CCDC59: variants seen among roughly 807,000 people sequenced by gnomAD.
CCDC59 encodes thyroid transcription factor 1-associated protein 26.
CCDC59 carries 27 observed loss-of-function variants against 30.5 expected under a neutral mutation model. The ratio of observed to expected loss-of-function variants is 0.89; its 90% CI spans 0.65 to 1.22. The LOEUF (loss-of-function observed/expected upper bound fraction) is 1.22. Ranked by LOEUF, CCDC59 falls within the 50% of genes most tolerant of loss-of-function variation. The pLI is 0.00. For synonymous variants in CCDC59, 125 were observed against 100.9 expected, an observed-to-expected ratio of 1.24 and a Z score of -1.43; for missense variants, 362 against 284.4, an observed-to-expected ratio of 1.27 and a Z score of -1.96.
Position 82,357,015 on chromosome 12 carries a change from C to A in CCDC59, c.409G>T (p.Asp137Tyr). Residue 137 changes from aspartate (D) to tyrosine (Y), a missense_variant, in exon 2 of 4, where the codon GAT (aspartate) becomes TAT (tyrosine). Coordinates refer to ENST00000256151, the MANE Select transcript of CCDC59 (RefSeq NM_014167.5). ...QCSIDEPLFE[D>Y]QCSFDQPQPE... The stretch of plus-strand genomic sequence containing the variant: ...TGAGGCTGGTCAAAGCTACACTGAT[C>A]TTCAAATAAAGGCTCGTCAATGCTA... 1.9e-6 allele frequency: 3 copies of A among 1,614,178 alleles called. No homozygotes were observed. Among genetic ancestry groups the A allele is most frequent in the Non-Finnish European group, 2.5e-6 (3 of 1,180,016 alleles).
At position 82,352,544 on chromosome 12, in the gene CCDC59, G is replaced by A. The variant is rs1880859722; in HGVS notation, c.*607C>T. 6.6e-6 allele frequency: 1 copy of A among 152,188 alleles called. No homozygotes were observed. The highest frequency in any genetic ancestry group is 1.5e-5 in the Non-Finnish European group (1 of 68,034). 9.4% of individuals were successfully genotyped at this position (152,188 alleles called of 1,614,324 possible). On this transcript the variant is annotated 3_prime_UTR_variant, in exon 4 of 4. Transcript: ENST00000256151. ...AACTGGAAAGCTTAATTCTTGCTGT[G>A]ACACTGTGGGGTTTCCATCATTATT...
intron 3 of CCDC59, 58 bp downstream of exon 3, chr12:82,354,437 A>G (rs1458511668): frequency 1.5e-6 from 2 of 1,307,608 alleles, no homozygotes; most frequent in Admixed American, 4.7e-5. Context: ...CAGGTATAGT[A>G]TATATATTTA....
chr12:82,352,924 G>A lies in CCDC59; in HGVS notation c.*227C>T. On this transcript the variant is annotated 3_prime_UTR_variant, in exon 4 of 4. Transcript: ENST00000256151. ...CTTGGGCCTGTCTTGCAAAATAAGA[G>A]GTTCTTTCAGTTCTTCAGGCCAACC... 1 of 369,952 alleles carries A rather than the reference G, an allele frequency of 2.7e-6. No individual in the cohort carries two copies. The highest frequency in any genetic ancestry group is 4.8e-6 in the Non-Finnish European group (1 of 207,500). The allele number at this position is 369,952 out of a possible 1,614,324, so 22.9% of individuals were successfully genotyped here.
In CCDC59 at chr12:82,353,308, A is replaced by T; in HGVS notation, c.569T>A (p.Phe190Tyr). The change falls in exon 4 of 4, where the codon TTC (phenylalanine) becomes TAC (tyrosine). Residue 190 changes from phenylalanine to tyrosine, a missense_variant. Phe to Tyr is a conservative substitution (Grantham distance 22). Coordinates refer to ENST00000256151, the MANE Select transcript of CCDC59 (RefSeq NM_014167.5). The stretch of plus-strand genomic sequence containing the variant: ...TTCTCTCTCCTGTTTTCTCCTCTCG[A>T]ATTCCTAAAATTATTAACATATGTA... ...QAKRAAKKQEFERRKQEREEA... is the reference protein window; with the variant it reads ...QAKRAAKKQEYERRKQEREEA... 1 of 1,593,190 alleles carries T rather than the reference A, an allele frequency of 6.3e-7. No individual in the cohort carries two copies.
At position 82,352,482 on chromosome 12, in the gene CCDC59, G is replaced by A. The variant is rs1880856761; in HGVS notation, c.*669C>T. The stretch of plus-strand genomic sequence containing the variant: ...AGCTCACAAGGGTACCAACAAGGGA[G>A]ACAGAGATAATGTTCTTAAAGTATA... On this transcript the variant is annotated 3_prime_UTR_variant, in exon 4 of 4. Transcript: ENST00000256151. 1 of 152,238 alleles carries A rather than the reference G, an allele frequency of 6.6e-6. No individual in the cohort carries two copies. The highest frequency in any genetic ancestry group is 1.9e-4 in the East Asian group (1 of 5,196). The allele number at this position is 152,238 out of a possible 1,614,324, so 9.4% of individuals were successfully genotyped here. A position where few individuals can be genotyped will look rare whatever the true frequency, so the allele number is the denominator to read the frequency against.
rs1565786051 is a variant in CCDC59, at chr12:82,357,227, C to A, written c.197G>T (p.Ser66Ile). The A allele has an allele frequency of 1.9e-6, 3 of 1,614,006 alleles. No individual in the cohort carries two copies. Among genetic ancestry groups the A allele is most frequent in the Non-Finnish European group, 2.5e-6 (3 of 1,179,952 alleles). The change falls in exon 2 of 4, where the codon AGT becomes ATT. Residue 66 changes from serine to isoleucine, a missense_variant. By Grantham distance (142) the Ser-to-Ile change is moderately radical. Coordinates refer to ENST00000256151, the MANE Select transcript of CCDC59 (RefSeq NM_014167.5). Reference sequence around the variant, plus strand: ...TTCCTTCCGTAGCAATTTCTTGTAACTTTGCTGTATTTTCAGTTTTCTTCG... The same window carrying A: ...TTCCTTCCGTAGCAATTTCTTGTAAATTTGCTGTATTTTCAGTTTTCTTCG... ...AFRRKLKIQQ[S>I]YKKLLRKEKK...
intron 3 of CCDC59, among the ~76,000 whole-genome samples, 184 bp downstream of exon 3, chr12:82,354,306 TTGACA>T (rs1880932255): frequency 6.6e-6 from 1 of 152,070 alleles, no homozygotes. Context: ...CTAGTATTGC[TTGACA>T]TAATACAAGC....
chr12:82,357,283 TATC>T lies in CCDC59; in HGVS notation c.155-17_155-15del, dbSNP rs3077481. The T allele has an allele frequency of 0.88, 1,380,480 of 1,577,276 alleles. 605,798 individuals are homozygous for T. Among genetic ancestry groups the T allele is most frequent in the East Asian group, 1 (44,344 of 44,372 alleles). On this transcript the variant is annotated splice_polypyrimidine_tract_variant and intron_variant, in intron 1 of 3. Transcript: ENST00000256151. ...CAAAGCCTTGTCCTACATTGAGGAATATCATCCAAAATTACTTTCAGAGAAAAG... is the reference window on the plus strand; with the variant it reads ...CAAAGCCTTGTCCTACATTGAGGAATATCCAAAATTACTTTCAGAGAAAAG...
intron 3 of CCDC59, among the ~76,000 whole-genome samples, chr12:82,353,589 T>C (rs760344199): frequency 2.6e-5 from 4 of 152,154 alleles, no homozygotes; most frequent in Non-Finnish European, 4.4e-5. Flanking sequence ...ATAATGGTCA[T>C]TACTGCACTT....
In CCDC59 at chr12:82,357,228, T is replaced by C. The variant is rs1881088715; in HGVS notation, c.196A>G (p.Ser66Gly). ...TCCTTCCGTAGCAATTTCTTGTAAC[T>C]TTGCTGTATTTTCAGTTTTCTTCGA... The part of the protein sequence containing the change: ...AFRRKLKIQQ[S>G]YKKLLRKEKK... The change falls in exon 2 of 4, where the codon AGT (serine) becomes GGT (glycine). Residue 66 changes from serine to glycine, a missense_variant. Ser to Gly is a moderately conservative substitution (Grantham distance 56). Transcript: ENST00000256151. The C allele has an allele frequency of 6.2e-7, 1 of 1,613,946 alleles. No individual in the cohort carries two copies. Among genetic ancestry groups the C allele is most frequent in the East Asian group, 2.2e-5 (1 of 44,880 alleles).
At chr12:82,356,832 C>A in intron 2 of CCDC59, 128 bp downstream of exon 2, 1 of 707,474 alleles carries the variant, frequency 1.4e-6, no homozygotes, top group South Asian at 2.7e-5. Context: ...GAAAATGTTT[C>A]CCTAATTAAA....
At chr12:82,358,768 A>G (rs1304159952), upstream of CCDC59, 34 of 1,613,676 alleles carry the variant, frequency 2.1e-5, no homozygotes, top group Non-Finnish European at 2.7e-5. Context: ...TCAGCGTCGG[A>G]GACGGAGGCC....
At position 82,352,639 on chromosome 12, in the gene CCDC59, T is replaced by G. The variant is rs189435146; in HGVS notation, c.*512A>C. On this transcript the variant is annotated 3_prime_UTR_variant, in exon 4 of 4. Transcript: ENST00000256151. ...ATGTTTATAAATATCAGACTTTGAG[T>G]TCACTGCTTTGTGAAGGTCGCTTTG... The G allele has an allele frequency of 1.3e-5, 2 of 152,464 alleles. No homozygotes were observed. Among genetic ancestry groups the G allele is most frequent in the East Asian group, 3.9e-4 (2 of 5,194 alleles). The allele number at this position is 152,464 out of a possible 1,614,324, so 9.4% of individuals were successfully genotyped here.
upstream of CCDC59, chr12:82,358,419 CCA>C: frequency 6.2e-7 from 1 of 1,609,104 alleles, no homozygotes; most frequent in South Asian, 1.1e-5. Flanking sequence ...CGACGGACGC[CCA>C]CAAAATACGT....
Position 82,358,215 on chromosome 12 carries a change from T to G in CCDC59, c.154+8A>C. On this transcript the variant is annotated splice_region_variant and intron_variant, in intron 1 of 3. Coordinates refer to ENST00000256151, the MANE Select transcript of CCDC59 (RefSeq NM_014167.5). ...TGAGGATTTGCAAATGGTTGCCTTC[T>G]TACATACCCTCGCGAACGCTCCCCA... 1 of 1,614,178 alleles carries G rather than the reference T, an allele frequency of 6.2e-7. No homozygotes were observed. The highest frequency in any genetic ancestry group is 8.5e-7 in the Non-Finnish European group (1 of 1,180,010).
At position 82,352,383 on chromosome 12, in the gene CCDC59, T is replaced by C. The variant is rs920455485; in HGVS notation, c.*768A>G. 5 of 152,250 alleles carry C rather than the reference T, an allele frequency of 3.3e-5. No individual in the cohort carries two copies. Among genetic ancestry groups the C allele is most frequent in the African/African-American group, 1.2e-4 (5 of 41,468 alleles). The allele number at this position is 152,250 out of a possible 1,614,324, so 9.4% of individuals were successfully genotyped here. A position where few individuals can be genotyped will look rare whatever the true frequency, so the allele number is the denominator to read the frequency against. On this transcript the variant is annotated 3_prime_UTR_variant, in exon 4 of 4. Transcript: ENST00000256151. Reference sequence around the variant, plus strand: ...GCCCTTTTTGCTTACAATGACTATATATATATTTCAAGCCTTTCTCATTCT... The same window carrying C: ...GCCCTTTTTGCTTACAATGACTATACATATATTTCAAGCCTTTCTCATTCT...
At chr12:82,358,172 C>T (rs370564099) in intron 1 of CCDC59, 51 bp downstream of exon 1, 1 of 1,608,544 alleles carries the variant, frequency 6.2e-7, no homozygotes, top group Non-Finnish European at 8.5e-7. Flanking sequence ...AATCTTATAT[C>T]CTAAAACTTA....
At chr12:82,357,380 T>C in intron 1 of CCDC59, 111 bp from the exon 2 acceptor site, 1 of 854,324 alleles carries the variant, frequency 1.2e-6, no homozygotes, top group Non-Finnish European at 1.8e-6. Context: ...ATTCAGATTC[T>C]AGTATTATAT....
chr12:82,356,078 C>T (rs533813102), intron 2 of CCDC59: 4 of 152,064 alleles, frequency 2.6e-5, no homozygotes, highest in Non-Finnish European at 5.9e-5. Context: ...CATTTTTACC[C>T]CCCGTGGTCC....
Sources: allele counts gnomAD v4.1 joint callset (sites outside exome capture counted in the v4.1 genomes callset), GRCh38; gene constraint gnomAD v4.1.1; transcripts MANE v1.5; gene names NCBI Gene and HGNC (gene_info 2026-07-23, HGNC 2026-07-21).